FAM184A: variants seen among roughly 807,000 people sequenced by gnomAD.
FAM184A encodes the protein family with sequence similarity 184 member A.
Under a neutral mutation model 143.8 loss-of-function variants are expected in FAM184A, and 99 were observed. The ratio of observed to expected loss-of-function variants is 0.69; its 90% CI spans 0.58 to 0.81. The LOEUF is 0.81. Among genes scored for constraint, FAM184A ranks in the 40% least tolerant of loss-of-function variants. FAM184A has a pLI of 0.00. For missense variants in FAM184A, 1,217 were observed against 1,310.5 expected (o/e 0.93, Z 1.10); for synonymous variants, 427 against 446.4 (o/e 0.96, Z 0.55).
intron 3 of FAM184A, among the ~76,000 whole-genome samples, chr6:119,021,368 G>A (rs1785441851): frequency 6.6e-6 from 1 of 152,188 alleles, no homozygotes; most frequent in Admixed American, 6.5e-5. Flanking sequence ...TCCAGTAATG[G>A]TTGTGAAAAA....
At chr6:119,081,417 G>A (rs1483612612), upstream of FAM184A, among the ~76,000 whole-genome samples, 3 of 152,168 alleles carry the variant, frequency 2.0e-5, no homozygotes, top group Admixed American at 1.3e-4. Flanking sequence ...TGGGCAAGCT[G>A]TGAGGCTCAG....
At chr6:119,041,816 C>T (rs1022365800) in intron 1 of FAM184A, among the ~76,000 whole-genome samples, 1 of 152,124 alleles carries the variant, frequency 6.6e-6, no homozygotes, top group South Asian at 2.1e-4. Flanking sequence ...GCTAAGTGCC[C>T]GGGTTCGTCC....
At chr6:119,097,611 G>A (rs1446377705) in intron 1 of FAM184A, among the ~76,000 whole-genome samples, 1 of 152,136 alleles carries the variant, frequency 6.6e-6, no homozygotes, top group Non-Finnish European at 1.5e-5. Flanking sequence ...CTAAGTGGCC[G>A]AAACAATAAT....
intron 1 of FAM184A, among the ~76,000 whole-genome samples, chr6:119,142,360 C>T (rs1001290196): frequency 6.6e-6 from 1 of 152,168 alleles, no homozygotes; most frequent in South Asian, 2.1e-4. Context: ...TAACGCAATG[C>T]AGCAGAGGGT....
chr6:119,116,695 T>G (rs1789072403), intron 1 of FAM184A, among the ~76,000 whole-genome samples: 1 of 152,214 alleles, frequency 6.6e-6, no homozygotes, highest in African/African-American at 2.4e-5. Flanking sequence ...TGTGGAAGAC[T>G]TCATAAAACT....
At chr6:119,148,499 A>C (rs762531548) in intron 1 of FAM184A, among the ~76,000 whole-genome samples, 3 of 152,090 alleles carry the variant, frequency 2.0e-5, no homozygotes, top group African/African-American at 7.2e-5. Context: ...GCCAAGTCCA[A>C]CTGTCTGGAT....
chr6:119,133,451 T>C (rs1472756357), intron 1 of FAM184A, among the ~76,000 whole-genome samples: 1 of 152,120 alleles, frequency 6.6e-6, no homozygotes, highest in Admixed American at 6.5e-5. Context: ...GAAGTAGGAT[T>C]GGGCAGAAGT....
rs759288936 is a variant in FAM184A, at chr6:118,960,138, G to A, written c.3388C>T (p.Arg1130Cys). The change falls in exon 18 of 18, where the codon CGC (arginine) becomes TGC (cysteine). Residue 1130 changes from arginine (R) to cysteine (C), a missense_variant. Coordinates refer to ENST00000338891, the MANE Select transcript of FAM184A (RefSeq NM_024581.6). ...AAGTACCGGGCAAACCACTCCTGGC[G>A]CTGGGGATCTGGAGAAGCCACTGGA... is the stretch of plus-strand genomic sequence containing the variant. The part of the protein sequence containing the change: ...ASPVASPDPQ[R>C]QEWFARYFTF The A allele has an allele frequency of 1.2e-5, 20 of 1,613,258 alleles. No homozygotes were observed. Among genetic ancestry groups the A allele is most frequent in the Admixed American group, 5.0e-5 (3 of 59,924 alleles).
intron 10 of FAM184A, 52 bp from the exon 11 acceptor site, chr6:118,979,570 C>A: frequency 7.3e-7 from 1 of 1,377,044 alleles, no homozygotes; most frequent in Non-Finnish European, 9.8e-7. Context: ...AAGGAAAATG[C>A]AAACAAAATA....
chr6:119,120,496 C>T (rs1012860050), intron 1 of FAM184A, among the ~76,000 whole-genome samples: 1 of 152,154 alleles, frequency 6.6e-6, no homozygotes, highest in South Asian at 2.1e-4. Context: ...CAAATGTTTT[C>T]GGTTCTCTTG....
intron 1 of FAM184A, among the ~76,000 whole-genome samples, chr6:119,071,077 A>G (rs937510544): frequency 6.6e-6 from 1 of 152,212 alleles, no homozygotes; most frequent in African/African-American, 2.4e-5. Flanking sequence ...AATTTTCAAA[A>G]ATATCACAAT....
intron 9 of FAM184A, among the ~76,000 whole-genome samples, chr6:118,992,753 C>A (rs1392845607): frequency 7.2e-5 from 11 of 151,960 alleles, no homozygotes; most frequent in Non-Finnish European, 1.6e-4. Context: ...AAAGTAAGAC[C>A]CTGTTGCTAC....
At chr6:119,076,090 C>T (rs1305483132) in intron 1 of FAM184A, among the ~76,000 whole-genome samples, 1 of 151,780 alleles carries the variant, frequency 6.6e-6, no homozygotes, top group African/African-American at 2.4e-5. Context: ...TACCTGGAGG[C>T]ATGTTTATTG....
At position 119,101,871 on chromosome 6, in the gene FAM184A, C is replaced by T. The variant is rs1244825702; in HGVS notation, c.-202+47207G>A. On this transcript the variant is annotated intron_variant, in intron 1 of 16. Transcript: ENST00000352896. ...AGGAGTTCAAGACCAGCCTGGACAA[C>T]ATGATGAAACCCTGTCTGTACTAAA... 2.0e-5 allele frequency among the ~76,000 whole-genome samples: 3 copies of T among 152,124 alleles called. No homozygotes were observed. In the East Asian group the frequency reaches 5.8e-4, roughly 30 times the overall value.
intron 1 of FAM184A, among the ~76,000 whole-genome samples, chr6:119,025,027 TA>T (rs1363075349): frequency 3.9e-5 from 6 of 152,360 alleles, no homozygotes; most frequent in Non-Finnish European, 8.8e-5. Context: ...GATTTGTATT[TA>T]AAGACTTTTT....
At chr6:119,029,099 A>AT (rs1785774417) in intron 1 of FAM184A, among the ~76,000 whole-genome samples, 1 of 152,216 alleles carries the variant, frequency 6.6e-6, no homozygotes, top group African/African-American at 2.4e-5. Context: ...TAGAGTGCCT[A>AT]GAGCAACACT....
chr6:118,996,648 G>A (rs1784555248), intron 9 of FAM184A, among the ~76,000 whole-genome samples: 1 of 152,074 alleles, frequency 6.6e-6, no homozygotes, highest in African/African-American at 2.4e-5. Flanking sequence ...AGAGCCTTCA[G>A]GGTCAGCTTC....
At chr6:119,085,190 C>T (rs1044870921) in intron 1 of FAM184A, among the ~76,000 whole-genome samples, 1 of 152,194 alleles carries the variant, frequency 6.6e-6, no homozygotes, top group African/African-American at 2.4e-5. Flanking sequence ...AAGTTTTATG[C>T]TCTGTTTCCC....
intron 1 of FAM184A, among the ~76,000 whole-genome samples, chr6:119,092,720 C>T (rs1250726893): frequency 6.6e-6 from 1 of 152,170 alleles, no homozygotes; most frequent in East Asian, 1.9e-4. Context: ...ATTGCAGGGC[C>T]TTTCCTTGAG....
Sources: gnomAD v4.1 joint callset for allele counts (sites outside exome capture counted in the v4.1 genomes callset) on GRCh38, gnomAD v4.1.1 for gene constraint, MANE v1.5 for transcripts, NCBI Gene and HGNC (gene_info 2026-07-23, HGNC 2026-07-21) for gene names.